Variants in NUP98 observed in about 807,000 individuals in gnomAD.
NUP98 encodes nuclear pore complex protein Nup98-Nup96.
Under a neutral mutation model 191.9 loss-of-function variants are expected in NUP98, and 26 were observed. The ratio of observed to expected loss-of-function variants is 0.14; its 90% CI spans 0.10 to 0.19. The LOEUF (loss-of-function observed/expected upper bound fraction) is 0.19, where lower values mean the gene tolerates loss of function less well. Among genes scored for constraint, NUP98 ranks in the 10% least tolerant of loss-of-function variants. The pLI, the probability that NUP98 is intolerant of heterozygous loss-of-function variation, is 1.00. For missense variants in NUP98, 1,941 were observed against 2,178.8 expected (o/e 0.89, Z 2.17); for synonymous variants, 808 against 778.4 (o/e 1.04, Z -0.63).
chr11:3,723,540 G>C, intron 15 of NUP98, 85 bp from the exon 16 acceptor site: 1 of 1,125,142 alleles, frequency 8.9e-7, no homozygotes, highest in Non-Finnish European at 1.3e-6. Flanking sequence ...CCTTTACTAA[G>C]TGCCTGGCAC....
chr11:3,714,142 C>T (rs1051943510), intron 18 of NUP98, 147 bp from the exon 19 acceptor site: 42 of 796,446 alleles, frequency 5.3e-5, no homozygotes, highest in Non-Finnish European at 6.6e-5. Context: ...TTGAGTTTTG[C>T]CCCATAAGCT....
intron 20 of NUP98, among the ~76,000 whole-genome samples, chr11:3,709,945 C>A (rs1424560371): frequency 1.5e-5 from 2 of 133,320 alleles, no homozygotes; most frequent in African/African-American, 2.9e-5. Context: ...GCACACTGTG[C>A]ACATGTACCC....
At chr11:3,742,496 T>C (rs1372108003) in intron 12 of NUP98, among the ~76,000 whole-genome samples, 1 of 151,406 alleles carries the variant, frequency 6.6e-6, no homozygotes, top group Non-Finnish European at 1.5e-5. Flanking sequence ...AGGTCAGGAG[T>C]TCGAGACCAG....
chr11:3,771,549 C>T (rs2081532420), intron 7 of NUP98, among the ~76,000 whole-genome samples, 199 bp downstream of exon 7: 1 of 152,222 alleles, frequency 6.6e-6, no homozygotes, highest in African/African-American at 2.4e-5. Flanking sequence ...ACCTTCTCCT[C>T]TGAAGCATTC....
At chr11:3,711,317 G>A (rs654148) in intron 20 of NUP98, among the ~76,000 whole-genome samples, 1 of 152,028 alleles carries the variant, frequency 6.6e-6, no homozygotes, top group East Asian at 1.9e-4. Flanking sequence ...ATTTTTGGGT[G>A]CTCAATTTTT....
intron 1 of NUP98, among the ~76,000 whole-genome samples, chr11:3,796,788 T>C (rs912182677): frequency 2.0e-5 from 3 of 152,158 alleles, no homozygotes; most frequent in Non-Finnish European, 2.9e-5. Flanking sequence ...GGGATTGACT[T>C]AAACAATTTC....
intron 2 of NUP98, among the ~76,000 whole-genome samples, chr11:3,781,237 G>A (rs934471718): frequency 2.0e-5 from 3 of 150,554 alleles, no homozygotes; most frequent in Non-Finnish European, 4.4e-5. Flanking sequence ...AAAGTTTCTG[G>A]GATTTAATTT....
chr11:3,758,597 C>A (rs1431434170), intron 10 of NUP98, among the ~76,000 whole-genome samples: 1 of 152,078 alleles, frequency 6.6e-6, no homozygotes, highest in Admixed American at 6.5e-5. Context: ...CCAGCCTCGC[C>A]AACACGGTGA....
intron 1 of NUP98, among the ~76,000 whole-genome samples, chr11:3,786,460 G>C (rs1234890979): frequency 6.6e-6 from 1 of 152,082 alleles, no homozygotes; most frequent in African/African-American, 2.4e-5. Flanking sequence ...TATACCCACT[G>C]CAGGTTTTTC....
In NUP98 at chr11:3,768,586, T is replaced by C. The variant is rs773335914; in HGVS notation, c.943A>G (p.Thr315Ala). 2 of 1,580,652 alleles carry C rather than the reference T, an allele frequency of 1.3e-6. No individual in the cohort carries two copies. The highest frequency in any genetic ancestry group is 3.7e-5 in the Admixed American group (2 of 53,428). Reference protein sequence around the residue: ...TSTIGQPSTNTMGLFGVTQAS... With the variant: ...TSTIGQPSTNAMGLFGVTQAS... ...GTAAGGGTCTGTTTCCTTACCATGGTGTTGGTGCTTGGCTGTCCTATGGTG... is the reference window on the plus strand; with the variant it reads ...GTAAGGGTCTGTTTCCTTACCATGGCGTTGGTGCTTGGCTGTCCTATGGTG... The change falls in exon 8 of 33, where the codon ACC (threonine) becomes GCC (alanine). Residue 315 changes from threonine (T) to alanine (A), a missense_variant. By Grantham distance (58) the Thr-to-Ala change is moderately conservative (BLOSUM62 0). Coordinates refer to ENST00000324932, the MANE Select transcript of NUP98 (RefSeq NM_016320.5).
chr11:3,796,483 G>A (rs2082581340), intron 1 of NUP98, among the ~76,000 whole-genome samples: 1 of 152,188 alleles, frequency 6.6e-6, no homozygotes, highest in Non-Finnish European at 1.5e-5. Flanking sequence ...CATCTTCTAA[G>A]TTTAGTTCTC....
At chr11:3,716,755 T>C (rs1271154966) in intron 18 of NUP98, among the ~76,000 whole-genome samples, 1 of 152,092 alleles carries the variant, frequency 6.6e-6, no homozygotes, top group African/African-American at 2.4e-5. Flanking sequence ...GGGCTCTCTA[T>C]TACATTCCAT....
intron 14 of NUP98, among the ~76,000 whole-genome samples, chr11:3,729,245 A>G (rs2079738969): frequency 4.6e-5 from 7 of 152,130 alleles, no homozygotes; most frequent in Admixed American, 4.6e-4. Context: ...AACTGAGCCA[A>G]GGGCATTCTA....
At chr11:3,745,247 A>G (rs1159909762) in intron 11 of NUP98, among the ~76,000 whole-genome samples, 2 of 152,358 alleles carry the variant, frequency 1.3e-5, no homozygotes, top group South Asian at 2.1e-4. Flanking sequence ...ACAGACAACT[A>G]TAGGAAAACT....
At chr11:3,749,122 C>A (rs977380376) in intron 11 of NUP98, among the ~76,000 whole-genome samples, 1 of 148,126 alleles carries the variant, frequency 6.8e-6, no homozygotes, top group African/African-American at 2.5e-5. Context: ...TCCTGGCTAA[C>A]AAGGTGAAAC....
chr11:3,758,427 A>G (rs1300929998), intron 10 of NUP98, among the ~76,000 whole-genome samples: 2 of 152,236 alleles, frequency 1.3e-5, no homozygotes, highest in Non-Finnish European at 2.9e-5. Flanking sequence ...GGTAAGTGAT[A>G]ATAGAAAAGG....
rs1298724118 is a variant in NUP98 at position 3,712,744 on chromosome 11, A to AC, written c.2578-17dup. On this transcript the variant is annotated splice_polypyrimidine_tract_variant and intron_variant, in intron 19 of 32. Coordinates refer to ENST00000324932, the MANE Select transcript of NUP98 (RefSeq NM_016320.5). ...AATGGGAGACCTAAGGAAGAGAAGA[A>AC]CCCCACAAAACAACTTAAACATTAT... is the stretch of plus-strand genomic sequence containing the variant. The AC allele has an allele frequency of 3.7e-6, 6 of 1,609,060 alleles. No homozygotes were observed. In the South Asian group the frequency reaches 4.4e-5, roughly 12 times the overall value.
rs781057441 is a variant in NUP98 at position 3,782,031 on chromosome 11, T to C, written c.76+11A>G. 6.2e-7 allele frequency: 1 copy of C among 1,605,076 alleles called. No individual in the cohort carries two copies. The highest frequency in any genetic ancestry group is 8.5e-7 in the Non-Finnish European group (1 of 1,173,682). ...AGGTTTCTCCCTCTTTTGTCCTTTT[T>C]AAAAACTTACTCTGTCCAAATGTTG... On this transcript the variant is annotated intron_variant, in intron 2 of 32. Coordinates refer to ENST00000324932, the MANE Select transcript of NUP98 (RefSeq NM_016320.5).
chr11:3,762,789 G>C, intron 9 of NUP98, 113 bp downstream of exon 9: 1 of 1,052,284 alleles, frequency 9.5e-7, no homozygotes, highest in Non-Finnish European at 1.4e-6. Context: ...TATTAGGCTG[G>C]TGCAATAATA....
Sources: allele counts gnomAD v4.1 joint callset (sites outside exome capture counted in the v4.1 genomes callset), GRCh38; gene constraint gnomAD v4.1.1; transcripts MANE v1.5; gene names NCBI Gene and HGNC (gene_info 2026-07-23, HGNC 2026-07-21).